The following MTRFR variants were observed in gnomAD, a reference collection of about 807,000 sequenced individuals.
MTRFR encodes probable peptide chain release factor C12orf65, mitochondrial.
A neutral mutation model predicts 11.9 loss-of-function variants in MTRFR; 10 were observed. The ratio of observed to expected loss-of-function variants is 0.84; its 90% confidence interval spans 0.52 to 1.42. MTRFR has a LOEUF of 1.42. MTRFR is among the 40% of genes most tolerant of loss of function. The pLI is 0.00. For missense variants in MTRFR, 196 were observed against 197.9 expected (o/e 0.99, Z 0.06); for synonymous variants, 77 against 79.1 (o/e 0.97, Z 0.14).
intron 1 of MTRFR, among the ~76,000 whole-genome samples, chr12:123,239,280 CGTT>C (rs2047894242): frequency 2.0e-5 from 3 of 152,122 alleles, no homozygotes; most frequent in South Asian, 4.1e-4. Context: ...AATAATAAAA[CGTT>C]GATCACGTGT....
intron 1 of MTRFR, among the ~76,000 whole-genome samples, chr12:123,253,070 A>ATTTTTTTTTT (rs71085872): frequency 2.9e-5 from 1 of 34,844 alleles, no homozygotes; most frequent in East Asian, 1.5e-3. Context: ...GTTCCTTTGA[A>ATTTTTTTTTT]TTTTTTTTTT....
intron 1 of MTRFR, among the ~76,000 whole-genome samples, chr12:123,236,029 A>G (rs572491556): frequency 7.2e-5 from 11 of 152,152 alleles, no homozygotes; most frequent in Non-Finnish European, 1.6e-4. Context: ...GTGCCACTGC[A>G]CTCCAGCCTG....
intron 1 of MTRFR, chr12:123,249,916 T>G (rs2048093375): frequency 6.6e-6 from 1 of 152,248 alleles, no homozygotes; most frequent in African/African-American, 2.4e-5. Context: ...TATTTGGATG[T>G]CTAGGTCTCT....
At chr12:123,236,855 G>A (rs1295408115) in intron 1 of MTRFR, among the ~76,000 whole-genome samples, 1 of 151,878 alleles carries the variant, frequency 6.6e-6, no homozygotes, top group African/African-American at 2.4e-5. Flanking sequence ...AGGCCGAGGC[G>A]GGCGGATCGC....
chr12:123,234,791 C>A (rs2047812948), intron 1 of MTRFR, among the ~76,000 whole-genome samples: 1 of 152,164 alleles, frequency 6.6e-6, no homozygotes, highest in Non-Finnish European at 1.5e-5. Context: ...TAAACCAGGA[C>A]TTACTTCATT....
intron 1 of MTRFR, among the ~76,000 whole-genome samples, chr12:123,244,592 T>C (rs2048005747): frequency 6.6e-6 from 1 of 152,194 alleles, no homozygotes; most frequent in Non-Finnish European, 1.5e-5. Context: ...GCCTCAAGCC[T>C]TGAAAGGAAT....
At chr12:123,245,709 T>C (rs968738066) in intron 1 of MTRFR, among the ~76,000 whole-genome samples, 1 of 152,216 alleles carries the variant, frequency 6.6e-6, no homozygotes, top group Non-Finnish European at 1.5e-5. Flanking sequence ...CTCCACTTGG[T>C]CGCTGTTGGT....
chr12:123,253,407 G>A lies in MTRFR; in HGVS notation c.-28-240G>A, dbSNP rs1320083676. On this transcript the variant is annotated intron_variant, in intron 1 of 2. Transcript: ENST00000253233. ...CCCGGGTGCTTGGAAGATATTTTTG[G>A]TCTATTGCAAGAAAATATGTATTAG... is the stretch of plus-strand genomic sequence containing the variant. 3 of 455,280 alleles carry A rather than the reference G, an allele frequency of 6.6e-6. No homozygotes were observed. In the East Asian group the frequency reaches 1.3e-4, roughly 20 times the overall value. 28.2% of individuals were successfully genotyped at this position (455,280 alleles called of 1,614,324 possible).
intron 2 of MTRFR, among the ~76,000 whole-genome samples, chr12:123,255,632 CGTTTTG>C (rs1031864804): frequency 9.9e-5 from 15 of 151,122 alleles, no homozygotes; most frequent in African/African-American, 3.6e-4. Flanking sequence ...TTTTTTGTTT[CGTTTTG>C]TTTTTTGAGA....
Position 123,243,335 on chromosome 12 carries a change from CCTGG to C in MTRFR, c.-29+9807_-29+9810del. 2.6e-5 allele frequency among the ~76,000 whole-genome samples: 4 copies of C among 151,902 alleles called. No individual in the cohort carries two copies. The Middle Eastern group carries it at 0.01, about 390-fold the overall frequency. ...CACGAGGTCAGGAAATCGAGAACAG[CCTGG>C]CTAACATGGCAAAACCCCGTCTCTA... On this transcript the variant is annotated intron_variant, in intron 1 of 2. Transcript: ENST00000253233.
At chr12:123,253,070 A>ATTTTTT (rs71085872) in intron 1 of MTRFR, among the ~76,000 whole-genome samples, 1 of 34,844 alleles carries the variant, frequency 2.9e-5, no homozygotes, top group African/African-American at 1.1e-4. Flanking sequence ...GTTCCTTTGA[A>ATTTTTT]TTTTTTTTTT....
intron 1 of MTRFR, among the ~76,000 whole-genome samples, chr12:123,242,897 G>A (rs1298039162): frequency 6.6e-6 from 1 of 152,170 alleles, no homozygotes; most frequent in Non-Finnish European, 1.5e-5. Context: ...CAGAAGTGCG[G>A]GGCTCATGTT....
intron 1 of MTRFR, among the ~76,000 whole-genome samples, chr12:123,241,999 C>A (rs184470688): frequency 1.2e-4 from 19 of 152,224 alleles, no homozygotes; most frequent in African/African-American, 4.3e-4. Flanking sequence ...TCAGCTATCA[C>A]ATGTATCCTG....
At chr12:123,235,597 C>A (rs1279334279) in intron 1 of MTRFR, among the ~76,000 whole-genome samples, 2 of 150,234 alleles carry the variant, frequency 1.3e-5, no homozygotes, top group African/African-American at 4.9e-5. Context: ...TGGTCTCGAT[C>A]TCCTGACCTC....
intron 1 of MTRFR, among the ~76,000 whole-genome samples, chr12:123,234,465 G>A (rs920623246): frequency 6.6e-6 from 1 of 152,112 alleles, no homozygotes; most frequent in Non-Finnish European, 1.5e-5. Flanking sequence ...GCGCGATCTC[G>A]GCTCACTTTA....
chr12:123,247,161 T>C (rs1346110332), intron 1 of MTRFR, among the ~76,000 whole-genome samples: 1 of 152,222 alleles, frequency 6.6e-6, no homozygotes, highest in African/African-American at 2.4e-5. Flanking sequence ...TATATATATC[T>C]GTTAAGTCCA....
rs749481046 is a variant in MTRFR, at chr12:123,253,647, G to A, written c.-28G>A. The stretch of plus-strand genomic sequence containing the variant: ...AGCTCTCCTTATTCATCTAACCCAG[G>A]TCCTCAGCCAGCAGAGCCACGTTCC... On this transcript the variant is annotated splice_region_variant and 5_prime_UTR_variant, in exon 2 of 3. Coordinates refer to ENST00000253233, the MANE Select transcript of MTRFR (RefSeq NM_152269.5). 1 of 1,613,938 alleles carries A rather than the reference G, an allele frequency of 6.2e-7. No homozygotes were observed. Among genetic ancestry groups the A allele is most frequent in the African/African-American group, 1.3e-5 (1 of 74,980 alleles).
chr12:123,253,069 A>ATTTTTTTTTT (rs1565997436), intron 1 of MTRFR, among the ~76,000 whole-genome samples: 1 of 42,818 alleles, frequency 2.3e-5, no homozygotes, highest in African/African-American at 6.3e-5. Context: ...CGTTCCTTTG[A>ATTTTTTTTTT]ATTTTTTTTT....
intron 2 of MTRFR, among the ~76,000 whole-genome samples, chr12:123,255,256 T>G (rs976910508): frequency 6.6e-6 from 1 of 152,176 alleles, no homozygotes; most frequent in Non-Finnish European, 1.5e-5. Flanking sequence ...CAAGTCCATG[T>G]TCCTAACAGC....
Sources: gnomAD v4.1 joint callset for allele counts (sites outside exome capture counted in the v4.1 genomes callset) on GRCh38, gnomAD v4.1.1 for gene constraint, MANE v1.5 for transcripts, NCBI Gene and HGNC (gene_info 2026-07-23, HGNC 2026-07-21) for gene names.